The following C17orf75 variants were observed in gnomAD, a reference collection of about 807,000 sequenced individuals.
C17orf75 encodes the protein protein Njmu-R1.
In C17orf75, 32 loss-of-function variants were observed where a neutral mutation model predicts 49.6. The ratio of observed to expected loss-of-function variants is 0.65; its 90% CI spans 0.49 to 0.87. The LOEUF (loss-of-function observed/expected upper bound fraction) is 0.87. Among genes scored for constraint, C17orf75 ranks in the 40% least tolerant of loss-of-function variants. The probability of loss-of-function intolerance (pLI) is 0.00; values close to 1 mark genes in which losing one functional copy is unlikely to be tolerated. For synonymous variants in C17orf75, 158 were observed against 159.5 expected, an observed-to-expected ratio of 0.99 and a Z score of 0.07; for missense variants, 428 against 473.9, an observed-to-expected ratio of 0.90 and a Z score of 0.90.
In C17orf75 at chr17:32,329,356, A is replaced by G. The variant is rs1303640911; in HGVS notation, c.*2407T>C. On this transcript the variant is annotated 3_prime_UTR_variant, in exon 10 of 10. Coordinates refer to ENST00000577809, the MANE Select transcript of C17orf75 (RefSeq NM_022344.4). ...GCTGGGATTACAGGCATGAGCCACC[A>G]CACCCAGCCCAGACTTACTTTTTTT... 1.3e-5 allele frequency: 2 copies of G among 151,952 alleles called. No individual in the cohort carries two copies. Among genetic ancestry groups the G allele is most frequent in the East Asian group, 1.9e-4 (1 of 5,190 alleles). 9.4% of individuals were successfully genotyped at this position (151,952 alleles called of 1,614,324 possible). A position where few individuals can be genotyped will look rare whatever the true frequency, so the allele number is the denominator to read the frequency against.
chr17:32,334,335 T>G, intron 8 of C17orf75, 134 bp downstream of exon 8: 1 of 1,120,076 alleles, frequency 8.9e-7, no homozygotes, highest in African/African-American at 1.6e-5. Flanking sequence ...TTTCACCAAG[T>G]GGTTTCTCAT....
chr17:32,346,314 G>A (rs906571434), upstream of C17orf75, among the ~76,000 whole-genome samples: 27 of 152,206 alleles, frequency 1.8e-4, no homozygotes, highest in Admixed American at 5.2e-4. Flanking sequence ...CTGCTACTCC[G>A]TGGGCTGAGG....
chr17:32,334,864 T>C (rs1261744547), intron 6 of C17orf75, 25 bp from the exon 7 acceptor site: 2 of 1,575,740 alleles, frequency 1.3e-6, no homozygotes, highest in East Asian at 2.2e-5. Context: ...TAAAGCCTGA[T>C]TGGTACATAT....
chr17:32,346,346 G>A (rs1004521329), upstream of C17orf75, among the ~76,000 whole-genome samples: 3 of 152,164 alleles, frequency 2.0e-5, no homozygotes, highest in African/African-American at 7.2e-5. Flanking sequence ...ATTGAGCCCA[G>A]GAGATCAAGG....
intron 7 of C17orf75, 24 bp downstream of exon 7, chr17:32,334,751 C>T: frequency 6.3e-7 from 1 of 1,580,476 alleles, no homozygotes; most frequent in Non-Finnish European, 8.6e-7. Context: ...AAAAGCTTTT[C>T]TCTTTGAAAA....
At chr17:32,336,064 G>C (rs1397911458) in intron 5 of C17orf75, among the ~76,000 whole-genome samples, 1 of 152,146 alleles carries the variant, frequency 6.6e-6, no homozygotes, top group Non-Finnish European at 1.5e-5. Flanking sequence ...AACTCTATTA[G>C]ACTTGCATCA....
intron 9 of C17orf75, among the ~76,000 whole-genome samples, chr17:32,332,790 TA>T (rs1406740155): frequency 7.9e-5 from 12 of 151,708 alleles, no homozygotes; most frequent in Admixed American, 7.9e-4. Flanking sequence ...CAAAACTAAA[TA>T]AGGTGACAAC....
intron 1 of C17orf75, among the ~76,000 whole-genome samples, chr17:32,348,610 A>G (rs979033178): frequency 2.0e-5 from 3 of 152,224 alleles, no homozygotes; most frequent in African/African-American, 7.2e-5. Context: ...AGTGCAGCCA[A>G]GATGAAGTTT....
chr17:32,343,128 G>A (rs1358003442), upstream of C17orf75, among the ~76,000 whole-genome samples: 1 of 152,110 alleles, frequency 6.6e-6, no homozygotes, highest in Non-Finnish European at 1.5e-5. Context: ...GGAATGTCAA[G>A]GATTGATGGT....
In C17orf75 at chr17:32,334,532, C is replaced by T. The variant is rs1469421340; in HGVS notation, c.808G>A (p.Glu270Lys). Residue 270 changes from glutamate to lysine, a missense_variant, in exon 8 of 10, where the codon GAG becomes AAG. Physicochemically the swap from Glu to Lys is moderately conservative, Grantham distance 56 (BLOSUM62 1). Coordinates refer to ENST00000577809, the MANE Select transcript of C17orf75 (RefSeq NM_022344.4). ...TMTSLCMAMT[E>K]EQHKSVVIDC... ...ATGACCACAGACTTATGCTGCTCCTCTGTCATGGCCATGCACAAAGAAGTC... is the reference window on the plus strand; with the variant it reads ...ATGACCACAGACTTATGCTGCTCCTTTGTCATGGCCATGCACAAAGAAGTC... The T allele has an allele frequency of 6.2e-7, 1 of 1,612,396 alleles. No homozygotes were observed. Among genetic ancestry groups the T allele is most frequent in the Non-Finnish European group, 8.5e-7 (1 of 1,179,370 alleles).
Position 32,339,834 on chromosome 17 carries a change from T to C in C17orf75, c.326A>G (p.Asn109Ser), listed in dbSNP as rs2041361802. Residue 109 changes from asparagine to serine, a missense_variant, in exon 3 of 10, where the codon AAT becomes AGT. Physicochemically the swap from Asn to Ser is conservative, Grantham distance 46. Coordinates refer to ENST00000577809, the MANE Select transcript of C17orf75 (RefSeq NM_022344.4). Reference sequence around the variant, plus strand: ...TTACTTTAGCTCCACAGATGCAACATTACCCAGCCCTTCAAAGACTGCACC... The same window carrying C: ...TTACTTTAGCTCCACAGATGCAACACTACCCAGCCCTTCAAAGACTGCACC... ...SRGAVFEGLG[N>S]VASVELKIPG... 1 of 1,613,900 alleles carries C rather than the reference T, an allele frequency of 6.2e-7. No homozygotes were observed. Among genetic ancestry groups the C allele is most frequent in the African/African-American group, 1.3e-5 (1 of 74,926 alleles).
chr17:32,343,458 A>G (rs991473310), upstream of C17orf75: 10 of 228,138 alleles, frequency 4.4e-5, no homozygotes, highest in African/African-American at 2.3e-4. Flanking sequence ...CAGATGGATA[A>G]CAGTTGAGAT....
chr17:32,343,075 C>T (rs912216591), upstream of C17orf75, among the ~76,000 whole-genome samples: 2 of 152,118 alleles, frequency 1.3e-5, no homozygotes, highest in East Asian at 1.9e-4. Flanking sequence ...CATAGCGCCA[C>T]GTGAAGGAGG....
rs2041371746 is a variant in C17orf75, at chr17:32,340,747, C to G, written c.221+457G>C. On this transcript the variant is annotated intron_variant, in intron 2 of 9. Coordinates refer to ENST00000577809, the MANE Select transcript of C17orf75 (RefSeq NM_022344.4). ...GGCGGATCACTTGAGTCCAGGAGTT[C>G]AAGACCAGCCTGGGCAACATGGTGA... is the stretch of plus-strand genomic sequence containing the variant. 3 of 163,468 alleles carry G rather than the reference C, an allele frequency of 1.8e-5. No homozygotes were observed. The South Asian group carries it at 4.6e-4, about 25-fold the overall frequency. 10.1% of individuals were successfully genotyped at this position (163,468 alleles called of 1,614,324 possible).
Position 32,329,107 on chromosome 17 carries a change from C to T in C17orf75, c.*2656G>A, listed in dbSNP as rs1329246435. On this transcript the variant is annotated 3_prime_UTR_variant, in exon 10 of 10. Coordinates refer to ENST00000577809, the MANE Select transcript of C17orf75 (RefSeq NM_022344.4). ...TTTGAGACGGAGTCTCGCTCTGTCG[C>T]CCAGGCTTGAGTGCAGTGGTGTGAT... is the stretch of plus-strand genomic sequence containing the variant. 1 of 151,340 alleles carries T rather than the reference C, an allele frequency of 6.6e-6. No individual in the cohort carries two copies. Among genetic ancestry groups the T allele is most frequent in the Admixed American group, 6.6e-5 (1 of 15,192 alleles). The allele number at this position is 151,340 out of a possible 1,614,324, so 9.4% of individuals were successfully genotyped here.
At chr17:32,343,961 A>G, upstream of C17orf75, 2 of 684,326 alleles carry the variant, frequency 2.9e-6, no homozygotes, top group South Asian at 1.5e-5. Flanking sequence ...TCCTAGAAAC[A>G]CTTCATCGGG....
At chr17:32,332,043 T>A in intron 9 of C17orf75, 65 bp from the exon 10 acceptor site, 4 of 1,337,478 alleles carry the variant, frequency 3.0e-6, no homozygotes, top group Non-Finnish European at 4.2e-6. Flanking sequence ...AAAAAATAAC[T>A]CCTATCCAGC....
chr17:32,331,412 T>C lies in C17orf75; in HGVS notation c.*351A>G. ...CACTGAAAAGGAAGTATTATGGTTTTTCTGAGAAGAAAAGTTGCTAAATAC... is the reference window on the plus strand; with the variant it reads ...CACTGAAAAGGAAGTATTATGGTTTCTCTGAGAAGAAAAGTTGCTAAATAC... On this transcript the variant is annotated 3_prime_UTR_variant, in exon 10 of 10. Coordinates refer to ENST00000577809, the MANE Select transcript of C17orf75 (RefSeq NM_022344.4). The C allele has an allele frequency of 4.4e-6, 1 of 225,504 alleles. No homozygotes were observed. The highest frequency in any genetic ancestry group is 8.8e-6 in the Non-Finnish European group (1 of 113,654). The allele number at this position is 225,504 out of a possible 1,614,324, so 14.0% of individuals were successfully genotyped here.
chr17:32,334,632 C>G, intron 7 of C17orf75, 27 bp from the exon 8 acceptor site: 1 of 1,609,048 alleles, frequency 6.2e-7, no homozygotes, highest in Non-Finnish European at 8.5e-7. Flanking sequence ...TCCATTTCCA[C>G]AAACAATATT....
Sources: gnomAD v4.1 joint callset for allele counts (sites outside exome capture counted in the v4.1 genomes callset) on GRCh38, gnomAD v4.1.1 for gene constraint, MANE v1.5 for transcripts, NCBI Gene and HGNC (gene_info 2026-07-23, HGNC 2026-07-21) for gene names.